FHOD3: variants seen among roughly 807,000 people sequenced by gnomAD.
FHOD3 encodes formin homology 2 domain containing 3.
A neutral mutation model predicts 173.0 loss-of-function variants in FHOD3; 90 were observed. The ratio of observed to expected loss-of-function variants is 0.52; its 90% CI spans 0.44 to 0.62. The LOEUF (loss-of-function observed/expected upper bound fraction) is 0.62, where lower values mean the gene tolerates loss of function less well. Ranked by LOEUF, FHOD3 falls within the 20% of genes least tolerant of loss-of-function variation. The probability of loss-of-function intolerance (pLI) is 0.00; values close to 1 mark genes in which losing one functional copy is unlikely to be tolerated. For synonymous variants in FHOD3, 828 were observed against 823.0 expected (o/e 1.01, Z -0.10); for missense variants, 1,945 against 2,034.7 (o/e 0.96, Z 0.85).
chr18:36,520,178 C>CA (rs989575714), intron 5 of FHOD3, among the ~76,000 whole-genome samples: 1 of 152,114 alleles, frequency 6.6e-6, no homozygotes, highest in Non-Finnish European at 1.5e-5. Context: ...AGGCTGGTCT[C>CA]AAACTCCTGG....
chr18:36,605,145 G>A (rs1451626953), intron 8 of FHOD3, among the ~76,000 whole-genome samples: 3 of 152,116 alleles, frequency 2.0e-5, no homozygotes, highest in African/African-American at 7.2e-5. Context: ...TTGATTTGAA[G>A]CAATTTTCTG....
In FHOD3 at chr18:36,594,713, T is replaced by A. The variant is rs1001133353; in HGVS notation, c.607-74T>A. On this transcript the variant is annotated intron_variant, in intron 6 of 28. Coordinates refer to ENST00000590592, the MANE Select transcript of FHOD3 (RefSeq NM_001281740.3). ...CATCTAGGAAGTGCTGGGTGCCCGC[T>A]GCGGTTAGGAAGATGCTCTCTGGTG... The A allele has an allele frequency of 1.3e-5, 13 of 1,012,060 alleles. No individual in the cohort carries two copies. In the African/African-American group the frequency reaches 2.1e-4, roughly 16 times the overall value. The allele number at this position is 1,012,060 out of a possible 1,614,324, so 62.7% of individuals were successfully genotyped here.
chr18:36,558,663 T>C (rs1321113670), intron 5 of FHOD3, among the ~76,000 whole-genome samples: 1 of 152,190 alleles, frequency 6.6e-6, no homozygotes, highest in African/African-American at 2.4e-5. Flanking sequence ...TCTATGTTTA[T>C]CAAAAAGGAG....
chr18:36,466,958 T>C (rs1404553673), intron 3 of FHOD3, among the ~76,000 whole-genome samples: 3 of 152,180 alleles, frequency 2.0e-5, no homozygotes, highest in Admixed American at 2.0e-4. Flanking sequence ...GTACCTGGAA[T>C]TCCCCTTTAA....
chr18:36,380,324 C>T (rs1179841608), intron 3 of FHOD3, among the ~76,000 whole-genome samples: 2 of 152,154 alleles, frequency 1.3e-5, no homozygotes, highest in African/African-American at 4.8e-5. Context: ...ATCCCAGTAA[C>T]TGGATTATGG....
intron 9 of FHOD3, among the ~76,000 whole-genome samples, chr18:36,619,718 G>T (rs1430642797): frequency 6.6e-6 from 1 of 152,228 alleles, no homozygotes; most frequent in Non-Finnish European, 1.5e-5. Flanking sequence ...CCCTGAGAGG[G>T]CACATACTCT....
At chr18:36,521,934 C>T (rs2056297772) in intron 5 of FHOD3, among the ~76,000 whole-genome samples, 1 of 152,190 alleles carries the variant, frequency 6.6e-6, no homozygotes. Flanking sequence ...CCTCGCTCAC[C>T]CATCTTCATC....
At position 36,489,019 on chromosome 18, in the gene FHOD3, C is replaced by T. The variant is rs149571205; in HGVS notation, c.338-12913C>T. ...AGCAGAGGCCAACACTAGGTCAGTC[C>T]TGGCTGCAGTGGGTGCCTCCATAAG... On this transcript the variant is annotated intron_variant, in intron 3 of 28. Coordinates refer to ENST00000590592, the MANE Select transcript of FHOD3 (RefSeq NM_001281740.3). 5.3e-5 allele frequency among the ~76,000 whole-genome samples: 8 copies of T among 152,268 alleles called. No individual in the cohort carries two copies. In the East Asian group the frequency reaches 7.7e-4, roughly 15 times the overall value.
In FHOD3 at chr18:36,656,259, C is replaced by T. The variant is rs149755729; in HGVS notation, c.1722-1816C>T. ...CTTTGCTTTTGTGCTTCCTATGTGG[C>T]CTGTGGTTTGGGAACCCTGTTGAAA... On this transcript the variant is annotated intron_variant, in intron 13 of 28. Coordinates refer to ENST00000590592, the MANE Select transcript of FHOD3 (RefSeq NM_001281740.3). Among the ~76,000 whole-genome samples, 424 of 152,244 alleles carry T rather than the reference C, an allele frequency of 2.8e-3. 4 individuals are homozygous for T. Among genetic ancestry groups the T allele is most frequent in the African/African-American group, 9.7e-3 (405 of 41,548 alleles).
At chr18:36,605,704 T>G (rs151168574) in intron 8 of FHOD3, among the ~76,000 whole-genome samples, 1 of 152,352 alleles carries the variant, frequency 6.6e-6, no homozygotes. Flanking sequence ...CGGGTTTGTT[T>G]TGTTTTGTTG....
At chr18:36,532,377 G>C (rs969312745) in intron 5 of FHOD3, among the ~76,000 whole-genome samples, 3 of 152,150 alleles carry the variant, frequency 2.0e-5, no homozygotes, top group Admixed American at 2.0e-4. Context: ...CACCCTCCCT[G>C]GAAGAGAGAA....
intron 6 of FHOD3, among the ~76,000 whole-genome samples, chr18:36,583,864 C>A (rs2058939108): frequency 6.6e-6 from 1 of 151,996 alleles, no homozygotes; most frequent in South Asian, 2.1e-4. Flanking sequence ...CTCACTCTGT[C>A]ACCCAGGCTG....
At chr18:36,367,061 G>C (rs895602465) in intron 2 of FHOD3, among the ~76,000 whole-genome samples, 4 of 152,174 alleles carry the variant, frequency 2.6e-5, no homozygotes, top group African/African-American at 7.2e-5. Context: ...TTGTAAAAAG[G>C]CTCCCTTGAG....
chr18:36,300,873 T>C (rs2091942502), intron 1 of FHOD3, among the ~76,000 whole-genome samples: 1 of 152,142 alleles, frequency 6.6e-6, no homozygotes, highest in Non-Finnish European at 1.5e-5. Flanking sequence ...CCTGTGTTGC[T>C]GGGACTATAG....
chr18:36,463,265 T>C (rs1014018844), intron 3 of FHOD3, among the ~76,000 whole-genome samples: 12 of 149,270 alleles, frequency 8.0e-5, no homozygotes, highest in Non-Finnish European at 1.5e-4. Context: ...TCTGAAAACC[T>C]TGTAGGCTGT....
At chr18:36,623,970 A>G (rs957850540) in intron 9 of FHOD3, among the ~76,000 whole-genome samples, 3 of 152,234 alleles carry the variant, frequency 2.0e-5, no homozygotes, top group Non-Finnish European at 4.4e-5. Context: ...TGTTAAAGCC[A>G]TATACTGTGG....
chr18:36,758,941 G>A (rs2042750014), intron 25 of FHOD3, among the ~76,000 whole-genome samples, 177 bp from the exon 26 acceptor site: 1 of 152,188 alleles, frequency 6.6e-6, no homozygotes, highest in African/African-American at 2.4e-5. Context: ...GTCCAGATGA[G>A]GACAAGAGGG....
chr18:36,702,949 A>G (rs1159114977), intron 17 of FHOD3, among the ~76,000 whole-genome samples: 1 of 152,206 alleles, frequency 6.6e-6, no homozygotes, highest in Non-Finnish European at 1.5e-5. Context: ...CAGCCAATCC[A>G]GGTTCAAATG....
At chr18:36,614,311 A>G (rs1292397749) in intron 9 of FHOD3, among the ~76,000 whole-genome samples, 3 of 152,222 alleles carry the variant, frequency 2.0e-5, no homozygotes, top group African/African-American at 7.2e-5. Flanking sequence ...AGGTTCACCT[A>G]CGTTTGCAGA....
Sources: gnomAD v4.1 joint callset for allele counts (sites outside exome capture counted in the v4.1 genomes callset) on GRCh38, gnomAD v4.1.1 for gene constraint, MANE v1.5 for transcripts, NCBI Gene and HGNC (gene_info 2026-07-23, HGNC 2026-07-21) for gene names.